ATP8A2: variants seen among roughly 807,000 people sequenced by gnomAD.
ATP8A2 encodes phospholipid-transporting ATPase IB.
ATP8A2 carries 100 observed loss-of-function variants against 165.6 expected under a neutral mutation model. The observed-to-expected ratio is 0.60, with a 90% CI of 0.51 to 0.71. The LOEUF (loss-of-function observed/expected upper bound fraction) is 0.71. ATP8A2 is among the 30% of genes least tolerant of loss of function. The probability of loss-of-function intolerance (pLI) is 0.00; values close to 1 mark genes in which losing one functional copy is unlikely to be tolerated. For synonymous variants in ATP8A2, 543 were observed against 548.8 expected, an observed-to-expected ratio of 0.99 and a Z score of 0.15; for missense variants, 1,227 against 1,479.5, an observed-to-expected ratio of 0.83 and a Z score of 2.80.
intron 33 of ATP8A2, among the ~76,000 whole-genome samples, chr13:25,919,828 C>T (rs543431457): frequency 6.6e-6 from 1 of 152,238 alleles, no homozygotes; most frequent in East Asian, 1.9e-4. Context: ...TGCGGTGGTG[C>T]TGTCATAGCT....
intron 5 of ATP8A2, among the ~76,000 whole-genome samples, chr13:25,532,939 T>C (rs2038161480): frequency 6.6e-6 from 1 of 152,174 alleles, no homozygotes; most frequent in Non-Finnish European, 1.5e-5. Context: ...GTGTTAGGAT[T>C]ACAGGTATGA....
rs2041488840 is a variant in ATP8A2, at chr13:25,640,465, A to G, written c.2211+50766A>G. On this transcript the variant is annotated intron_variant, in intron 24 of 36. Coordinates refer to ENST00000381655, the MANE Select transcript of ATP8A2 (RefSeq NM_016529.6). ...GAAATACAAACTACCATCAGAGAATACTATAAACACCTCTATGCAAATAAA... is the reference window on the plus strand; with the variant it reads ...GAAATACAAACTACCATCAGAGAATGCTATAAACACCTCTATGCAAATAAA... Among the ~76,000 whole-genome samples, 4 of 152,372 alleles carry G rather than the reference A, an allele frequency of 2.6e-5. No individual in the cohort carries two copies. The South Asian group carries it at 8.3e-4, about 32-fold the overall frequency.
At chr13:25,726,314 A>G (rs1281615124) in intron 25 of ATP8A2, among the ~76,000 whole-genome samples, 1 of 152,212 alleles carries the variant, frequency 6.6e-6, no homozygotes, top group Non-Finnish European at 1.5e-5. Context: ...AAGTGTGAAA[A>G]GAATGGCAAG....
intron 30 of ATP8A2, among the ~76,000 whole-genome samples, chr13:25,840,026 A>G (rs1951716874): frequency 6.6e-6 from 1 of 152,142 alleles, no homozygotes; most frequent in African/African-American, 2.4e-5. Context: ...GAATAACTCA[A>G]ATCTTATAAG....
At chr13:25,913,345 G>A (rs1200716278) in intron 33 of ATP8A2, among the ~76,000 whole-genome samples, 1 of 152,122 alleles carries the variant, frequency 6.6e-6, no homozygotes, top group Non-Finnish European at 1.5e-5. Flanking sequence ...TTTTAAAAGA[G>A]CAAGTGAGAA....
intron 4 of ATP8A2, among the ~76,000 whole-genome samples, chr13:25,531,316 GTTATATATGATATATATA>G (rs1566229626): frequency 2.5e-5 from 3 of 118,602 alleles, no homozygotes; most frequent in African/African-American, 1.0e-4. Context: ...TGATATATAT[GTTATATATGATATATATA>G]TGTTATATAT....
intron 25 of ATP8A2, among the ~76,000 whole-genome samples, chr13:25,737,123 C>G (rs904109145): frequency 2.0e-5 from 3 of 152,078 alleles, no homozygotes; most frequent in Admixed American, 6.5e-5. Flanking sequence ...GACAGGAGTT[C>G]TAGGCCGTGT....
At chr13:25,552,262 C>G (rs1045397724) in intron 11 of ATP8A2, among the ~76,000 whole-genome samples, 1 of 152,158 alleles carries the variant, frequency 6.6e-6, no homozygotes, top group Non-Finnish European at 1.5e-5. Context: ...GCTGGGATTA[C>G]AGGTGTGAGT....
At chr13:25,630,078 T>TCCC (rs34642362) in intron 24 of ATP8A2, among the ~76,000 whole-genome samples, 1 of 147,994 alleles carries the variant, frequency 6.8e-6, no homozygotes, top group East Asian at 2.0e-4. Flanking sequence ...CACCTTTTTG[T>TCCC]CCCCCCCCCA....
intron 24 of ATP8A2, among the ~76,000 whole-genome samples, chr13:25,695,750 G>T (rs766880308): frequency 1.3e-5 from 2 of 152,126 alleles, no homozygotes; most frequent in Non-Finnish European, 1.5e-5. Flanking sequence ...TCTAATTCTA[G>T]TTCTCCCGTT....
intron 27 of ATP8A2, among the ~76,000 whole-genome samples, chr13:25,820,524 A>G (rs1237509059): frequency 6.6e-6 from 1 of 152,178 alleles, no homozygotes; most frequent in Non-Finnish European, 1.5e-5. Flanking sequence ...CCACCATCCA[A>G]GTAACTGCAC....
At chr13:25,639,511 AT>A (rs2041458339) in intron 24 of ATP8A2, among the ~76,000 whole-genome samples, 1 of 152,232 alleles carries the variant, frequency 6.6e-6, no homozygotes, top group East Asian at 1.9e-4. Context: ...AAAGAAGGCC[AT>A]TGCATAATGG....
intron 25 of ATP8A2, among the ~76,000 whole-genome samples, chr13:25,700,461 A>G (rs1368173600): frequency 6.6e-6 from 1 of 152,068 alleles, no homozygotes. Context: ...ACAACCAATC[A>G]TCTACTCACT....
intron 28 of ATP8A2, among the ~76,000 whole-genome samples, chr13:25,830,276 G>A (rs1009013589): frequency 2.6e-5 from 4 of 152,112 alleles, no homozygotes; most frequent in African/African-American, 9.7e-5. Context: ...GCCTCCCAAA[G>A]TGGTAGGATT....
intron 10 of ATP8A2, among the ~76,000 whole-genome samples, chr13:25,550,656 C>G (rs1007304152): frequency 6.6e-6 from 1 of 152,206 alleles, no homozygotes; most frequent in Non-Finnish European, 1.5e-5. Context: ...CATTCTCCTT[C>G]CGTTTCTCCT....
chr13:25,438,331 C>T (rs1048696321), intron 1 of ATP8A2, among the ~76,000 whole-genome samples: 1 of 152,174 alleles, frequency 6.6e-6, no homozygotes, highest in Admixed American at 6.5e-5. Flanking sequence ...TGATCAAAGA[C>T]AGTAAGAGAT....
intron 1 of ATP8A2, among the ~76,000 whole-genome samples, chr13:25,440,787 G>A (rs1167626741): frequency 6.6e-6 from 1 of 152,128 alleles, no homozygotes; most frequent in Non-Finnish European, 1.5e-5. Flanking sequence ...TGGATTATAG[G>A]TCATATAGCT....
chr13:25,839,593 C>T lies in ATP8A2; in HGVS notation c.2925C>T (p.Leu975=), dbSNP rs1951708052. Reference sequence around the variant, plus strand: ...ACGCCTTGGTCCACTCCCTCATCCTCTTCTGGTTTCCCATGAAAGCTCTGG... The same window carrying T: ...ACGCCTTGGTCCACTCCCTCATCCTTTTCTGGTTTCCCATGAAAGCTCTGG... ...CINALVHSLI[L]FWFPMKALEH... Residue 975 remains leucine (L), a synonymous_variant, in exon 30 of 37, where the codon CTC becomes CTT. Coordinates refer to ENST00000381655, the MANE Select transcript of ATP8A2 (RefSeq NM_016529.6). 3 of 1,613,982 alleles carry T rather than the reference C, an allele frequency of 1.9e-6. No individual in the cohort carries two copies. Among genetic ancestry groups the T allele is most frequent in the Non-Finnish European group, 1.7e-6 (2 of 1,180,004 alleles).
chr13:25,968,925 T>G (rs1400085799), intron 35 of ATP8A2, among the ~76,000 whole-genome samples: 1 of 152,026 alleles, frequency 6.6e-6, no homozygotes, highest in East Asian at 1.9e-4. Context: ...ACAACTCATG[T>G]GCAGAAAATC....
Sources: gnomAD v4.1 joint callset for allele counts (sites outside exome capture counted in the v4.1 genomes callset) on GRCh38, gnomAD v4.1.1 for gene constraint, MANE v1.5 for transcripts, NCBI Gene and HGNC (gene_info 2026-07-23, HGNC 2026-07-21) for gene names.